The following C12orf42 variants were observed in gnomAD, a reference collection of about 807,000 sequenced individuals.
The protein encoded by C12orf42 is uncharacterized protein C12orf42.
Under a neutral mutation model 21.6 loss-of-function variants are expected in C12orf42, and 25 were observed. That is an observed-to-expected ratio of 1.16 (90% confidence interval 0.84 to 1.62). The LOEUF is 1.62. Ranked by LOEUF, C12orf42 falls within the 40% of genes most tolerant of loss-of-function variation. The pLI is 0.00. For synonymous variants in C12orf42, 174 were observed against 175.0 expected (o/e 0.99, Z 0.05); for missense variants, 483 against 459.3 (o/e 1.05, Z -0.47).
chr12:103,263,947 A>G (rs1469233219), downstream of C12orf42, among the ~76,000 whole-genome samples: 1 of 152,184 alleles, frequency 6.6e-6, no homozygotes, highest in Non-Finnish European at 1.5e-5. Context: ...AGTTCTTAGT[A>G]GAGAATGGCT....
chr12:103,231,207 C>T, the C12orf42 span, among the ~76,000 whole-genome samples: 1 of 152,074 alleles, frequency 6.6e-6, no homozygotes, highest in Non-Finnish European at 1.5e-5. Flanking sequence ...TAGAGATTTC[C>T]CATATATCCC....
At chr12:103,233,555 C>T (rs981273075), downstream of C12orf42, among the ~76,000 whole-genome samples, 6 of 152,106 alleles carry the variant, frequency 3.9e-5, no homozygotes, top group African/African-American at 1.4e-4. Context: ...TAGATTTATA[C>T]TGAAGTACTT....
At chr12:103,507,818 G>T in the C12orf42 span, among the ~76,000 whole-genome samples, 101 of 152,234 alleles carry the variant, frequency 6.6e-4, 2 homozygotes, top group East Asian at 0.018. Flanking sequence ...CCTGAACATA[G>T]CATCAGGCAT....
the C12orf42 span, among the ~76,000 whole-genome samples, chr12:103,067,229 A>G: frequency 1.3e-5 from 2 of 152,308 alleles, no homozygotes; most frequent in East Asian, 1.9e-4. Context: ...CCTGCACCCA[A>G]TGCTTCTGCG....
chr12:103,319,425 G>A (rs1459184115), intron 4 of C12orf42, among the ~76,000 whole-genome samples: 2 of 149,492 alleles, frequency 1.3e-5, no homozygotes, highest in African/African-American at 2.5e-5. Flanking sequence ...TTGTTGAAGG[G>A]ATCACCAGAG....
chr12:103,434,927 C>T (rs181356767), intron 2 of C12orf42, among the ~76,000 whole-genome samples: 3 of 152,206 alleles, frequency 2.0e-5, no homozygotes, highest in Non-Finnish European at 4.4e-5. Flanking sequence ...CCTGCCTCTG[C>T]AGGCTCCACC....
chr12:103,435,162 G>T (rs1158125461), intron 2 of C12orf42, among the ~76,000 whole-genome samples: 2 of 152,060 alleles, frequency 1.3e-5, no homozygotes, highest in African/African-American at 2.4e-5. Flanking sequence ...ACACAGCAGG[G>T]TATTCCAACA....
chr12:103,429,500 C>G (rs1306997767), intron 2 of C12orf42, among the ~76,000 whole-genome samples: 2 of 152,216 alleles, frequency 1.3e-5, no homozygotes, highest in Admixed American at 6.5e-5. Context: ...ACAGTCCATG[C>G]TCATGGATAG....
chr12:103,326,697 T>C (rs771643824), intron 4 of C12orf42, among the ~76,000 whole-genome samples: 5 of 152,204 alleles, frequency 3.3e-5, no homozygotes, highest in Non-Finnish European at 7.4e-5. Flanking sequence ...AATCTTCTTG[T>C]CTCCTTCAAG....
At chr12:103,316,437 G>A (rs950844173) in intron 4 of C12orf42, among the ~76,000 whole-genome samples, 1 of 151,944 alleles carries the variant, frequency 6.6e-6, no homozygotes, top group Admixed American at 6.6e-5. Context: ...CTTGCCCACA[G>A]GAGAGGTTAA....
chr12:103,099,022 A>C, the C12orf42 span, among the ~76,000 whole-genome samples: 5 of 152,344 alleles, frequency 3.3e-5, no homozygotes, highest in South Asian at 8.3e-4. Flanking sequence ...GAAAACAAAA[A>C]AGAAATTCAG....
At chr12:103,479,383 G>C (rs1236572923) in intron 1 of C12orf42, among the ~76,000 whole-genome samples, 1 of 151,992 alleles carries the variant, frequency 6.6e-6, no homozygotes, top group East Asian at 1.9e-4. Context: ...AAGAAAAGAA[G>C]ACTAGGTGTG....
chr12:103,227,400 C>T, the C12orf42 span, among the ~76,000 whole-genome samples: 224 of 137,946 alleles, frequency 1.6e-3, 2 homozygotes, highest in Middle Eastern at 3.7e-3. Context: ...GATAAGAGGT[C>T]GGGGTGTGGA....
chr12:103,322,563 C>A (rs2040284032), intron 4 of C12orf42, among the ~76,000 whole-genome samples: 1 of 152,118 alleles, frequency 6.6e-6, no homozygotes, highest in African/African-American at 2.4e-5. Flanking sequence ...CTGAGGCCAA[C>A]CTCACCCCAA....
chr12:103,550,857 A>G, the C12orf42 span, among the ~76,000 whole-genome samples: 1 of 152,080 alleles, frequency 6.6e-6, no homozygotes, highest in Non-Finnish European at 1.5e-5. Context: ...ATTAATTTAC[A>G]CATTATGGAT....
At chr12:103,280,005 T>C (rs2036007012) in intron 4 of C12orf42, among the ~76,000 whole-genome samples, 1 of 152,202 alleles carries the variant, frequency 6.6e-6, no homozygotes, top group Admixed American at 6.5e-5. Context: ...AACTGTTTAC[T>C]GAACACTGAT....
chr12:103,372,861 T>C (rs2888728), intron 3 of C12orf42, among the ~76,000 whole-genome samples: 17,366 of 152,194 alleles, frequency 0.11, 1,189 homozygotes, highest in East Asian at 0.2. Flanking sequence ...ATTTTGAATT[T>C]AACTGAATGG....
intron 4 of C12orf42, among the ~76,000 whole-genome samples, chr12:103,278,227 GT>G (rs1003464466): frequency 6.6e-6 from 1 of 152,074 alleles, no homozygotes; most frequent in East Asian, 1.9e-4. Context: ...GATGTTAAGG[GT>G]TTTTTTAAAA....
chr12:103,423,515 TAG>T (rs2050106075), intron 2 of C12orf42, among the ~76,000 whole-genome samples: 1 of 152,196 alleles, frequency 6.6e-6, no homozygotes, highest in Non-Finnish European at 1.5e-5. Context: ...TACTCTTTAG[TAG>T]AGTTGAATGG....
Sources: allele counts gnomAD v4.1 joint callset (sites outside exome capture counted in the v4.1 genomes callset), GRCh38; gene constraint gnomAD v4.1.1; transcripts MANE v1.5; gene names NCBI Gene and HGNC (gene_info 2026-07-23, HGNC 2026-07-21).